Variants in CLPB observed in about 807,000 individuals in gnomAD.
CLPB encodes the protein mitochondrial disaggregase.
CLPB carries 40 observed loss-of-function variants against 78.4 expected under a neutral mutation model. The ratio of observed to expected loss-of-function variants is 0.51; its 90% CI spans 0.40 to 0.66. The LOEUF is 0.66. CLPB is among the 30% of genes least tolerant of loss of function. The pLI is 0.00. For missense variants in CLPB, 780 were observed against 886.9 expected (o/e 0.88, Z 1.53); for synonymous variants, 333 against 348.0 (o/e 0.96, Z 0.48).
At chr11:72,306,775 T>C (rs562369819) in intron 9 of CLPB, among the ~76,000 whole-genome samples, 10 of 152,222 alleles carry the variant, frequency 6.6e-5, no homozygotes, top group African/African-American at 2.4e-4. Context: ...CAGCCATGAC[T>C]GCACTGAACA....
intron 3 of CLPB, among the ~76,000 whole-genome samples, chr11:72,396,434 C>T (rs1347881176): frequency 1.3e-5 from 2 of 152,182 alleles, no homozygotes; most frequent in Non-Finnish European, 2.9e-5. Context: ...TCTCCCCACA[C>T]CAGCCTCCCT....
intron 5 of CLPB, among the ~76,000 whole-genome samples, chr11:72,342,380 G>A (rs1308793579): frequency 2.6e-5 from 4 of 152,210 alleles, no homozygotes; most frequent in African/African-American, 4.8e-5. Flanking sequence ...CAAAGCTAAC[G>A]TAGAGGTTTT....
chr11:72,356,717 C>T (rs1950723724), intron 5 of CLPB, among the ~76,000 whole-genome samples: 1 of 152,166 alleles, frequency 6.6e-6, no homozygotes, highest in South Asian at 2.1e-4. Context: ...AAAGGGCCAG[C>T]CTTGGCCTGG....
intron 9 of CLPB, chr11:72,302,643 T>C: frequency 2.7e-6 from 1 of 370,006 alleles, no homozygotes; most frequent in Non-Finnish European, 5.2e-6. Context: ...CACCACATCA[T>C]CCACCCACCC....
chr11:72,311,964 C>T (rs907672167), intron 7 of CLPB, among the ~76,000 whole-genome samples: 9 of 152,216 alleles, frequency 5.9e-5, no homozygotes, highest in African/African-American at 2.2e-4. Context: ...TTGATTCACT[C>T]CACCACACCA....
chr11:72,325,285 C>G (rs1212719087), intron 6 of CLPB, among the ~76,000 whole-genome samples: 1 of 152,194 alleles, frequency 6.6e-6, no homozygotes. Context: ...AGGCTACCTC[C>G]TCTTTGAAGC....
chr11:72,394,358 T>C (rs1590889343), intron 3 of CLPB, among the ~76,000 whole-genome samples: 1 of 151,832 alleles, frequency 6.6e-6, no homozygotes, highest in African/African-American at 2.4e-5. Flanking sequence ...ACTGGATGCT[T>C]TCCTATCCCC....
At chr11:72,412,617 G>A (rs959272221) in intron 2 of CLPB, among the ~76,000 whole-genome samples, 1 of 152,100 alleles carries the variant, frequency 6.6e-6, no homozygotes, top group Admixed American at 6.5e-5. Flanking sequence ...TGTGACTGTG[G>A]GCAGATCACA....
At chr11:72,373,136 C>A (rs1242763980) in intron 4 of CLPB, 157 of 705,800 alleles carry the variant, frequency 2.2e-4, no homozygotes, top group Non-Finnish European at 7.3e-6. Flanking sequence ...CAGAAGGGCC[C>A]TATGCCAACC....
intron 5 of CLPB, among the ~76,000 whole-genome samples, chr11:72,347,836 A>G (rs1348607824): frequency 6.6e-6 from 1 of 152,194 alleles, no homozygotes; most frequent in Non-Finnish European, 1.5e-5. Flanking sequence ...TATAATCACA[A>G]AGGTTTCTAG....
chr11:72,357,033 A>G (rs7943807), intron 5 of CLPB: 137,899 of 152,290 alleles, frequency 0.91, 62,629 homozygotes, highest in African/African-American at 0.98. Flanking sequence ...GCTTCTGAGA[A>G]CAGCAAGTTC....
intron 13 of CLPB, 63 bp downstream of exon 13, chr11:72,294,557 T>C: frequency 1.2e-6 from 2 of 1,608,700 alleles, no homozygotes; most frequent in Non-Finnish European, 1.7e-6. Flanking sequence ...ATCTTTAGGA[T>C]GGCTAAGATC....
At position 72,374,278 on chromosome 11, in the gene CLPB, CTATA is replaced by C. The variant is rs1332175866; in HGVS notation, c.646+5999_646+6002del. 2.0e-5 allele frequency among the ~76,000 whole-genome samples: 3 copies of C among 152,258 alleles called. No homozygotes were observed. The East Asian group carries it at 5.8e-4, about 29-fold the overall frequency. On this transcript the variant is annotated intron_variant, in intron 4 of 15. Coordinates refer to ENST00000538039, the MANE Select transcript of CLPB (RefSeq NM_001258392.3). ...ATTATCTCTAATCATCCTAACAACC[CTATA>C]AGATGGGTATTGTTTTTACTATGTT...
At chr11:72,364,100 G>A (rs1390351075) in intron 4 of CLPB, among the ~76,000 whole-genome samples, 1 of 152,162 alleles carries the variant, frequency 6.6e-6, no homozygotes, top group African/African-American at 2.4e-5. Context: ...ACTTGGATGA[G>A]TTACTTCATC....
chr11:72,352,468 T>G (rs1371467537), intron 5 of CLPB: 1 of 152,226 alleles, frequency 6.6e-6, no homozygotes, highest in Non-Finnish European at 1.5e-5. Flanking sequence ...CTGAGTAAAG[T>G]ATGCTGCTTC....
Position 72,383,614 on chromosome 11 carries a change from C to T in CLPB, c.543-3230G>A, listed in dbSNP as rs114865914. ...AAGCAAGTAACATATAAGGGACTTCCAATAAGGCTAACAGTGGATTTCACA... is the reference window on the plus strand; with the variant it reads ...AAGCAAGTAACATATAAGGGACTTCTAATAAGGCTAACAGTGGATTTCACA... On this transcript the variant is annotated intron_variant, in intron 3 of 15. Transcript: ENST00000538039. Among the ~76,000 whole-genome samples the T allele has an allele frequency of 2.5e-3, 373 of 151,392 alleles. 4 individuals are homozygous for T. Among genetic ancestry groups the T allele is most frequent in the African/African-American group, 8.6e-3 (354 of 41,274 alleles).
At chr11:72,341,052 C>T (rs1374124491) in intron 5 of CLPB, among the ~76,000 whole-genome samples, 1 of 152,150 alleles carries the variant, frequency 6.6e-6, no homozygotes, top group African/African-American at 2.4e-5. Flanking sequence ...CATCTCCTGA[C>T]CTCGTGATCC....
chr11:72,407,875 C>T (rs1447528202), intron 2 of CLPB, among the ~76,000 whole-genome samples: 1 of 152,072 alleles, frequency 6.6e-6, no homozygotes. Flanking sequence ...TCTTGATCTC[C>T]TGACCTTGTG....
At chr11:72,332,419 G>A (rs1421737580) in intron 5 of CLPB, among the ~76,000 whole-genome samples, 1 of 152,114 alleles carries the variant, frequency 6.6e-6, no homozygotes, top group African/African-American at 2.4e-5. Context: ...AACCCAGGAG[G>A]CAGGGGCTGC....
Sources: allele counts gnomAD v4.1 joint callset (sites outside exome capture counted in the v4.1 genomes callset), GRCh38; gene constraint gnomAD v4.1.1; transcripts MANE v1.5; gene names NCBI Gene and HGNC (gene_info 2026-07-23, HGNC 2026-07-21).